The following CFAP68 variants were observed in gnomAD, a reference collection of about 807,000 sequenced individuals.
CFAP68 encodes the protein cilia- and flagella-associated protein 68.
the CFAP68 span, chr11:111,882,663 A>C: frequency 1.5e-6 from 2 of 1,357,792 alleles, no homozygotes; most frequent in Non-Finnish European, 2.0e-6. Context: ...TGTAGTGGCC[A>C]TTTGAAATGC....
At chr11:111,882,088 C>T in the CFAP68 span, among the ~76,000 whole-genome samples, 1 of 152,116 alleles carries the variant, frequency 6.6e-6, no homozygotes. Context: ...GCTAATTCTC[C>T]ATATTGTATT....
At chr11:111,883,892 C>T in the CFAP68 span, 1 of 1,522,400 alleles carries the variant, frequency 6.6e-7, no homozygotes. Context: ...TTGGGCATCA[C>T]TCAGGATGTG....
chr11:111,884,219 AT>A, the CFAP68 span: 1 of 185,974 alleles, frequency 5.4e-6, no homozygotes, highest in African/African-American at 2.4e-5. Flanking sequence ...CATGCCTGTA[AT>A]CCCAGCACTT....
At chr11:111,882,231 C>A in the CFAP68 span, 1 of 704,514 alleles carries the variant, frequency 1.4e-6, no homozygotes, top group Non-Finnish European at 2.3e-6. Context: ...GAAGAAGAAA[C>A]AGAACCATAA....
the CFAP68 span, chr11:111,883,989 G>A: frequency 1.3e-6 from 1 of 780,010 alleles, no homozygotes; most frequent in African/African-American, 1.7e-5. Context: ...AATGTAGGAG[G>A]GAGCACATTC....
the CFAP68 span, among the ~76,000 whole-genome samples, chr11:111,879,909 C>G: frequency 6.6e-6 from 1 of 152,104 alleles, no homozygotes; most frequent in African/African-American, 2.4e-5. Flanking sequence ...TTAACTGAGT[C>G]AAGAGGCGTG....
the CFAP68 span, chr11:111,883,836 T>G: frequency 6.2e-7 from 1 of 1,613,666 alleles, no homozygotes; most frequent in East Asian, 2.2e-5. Flanking sequence ...CCGATACAAA[T>G]GCACAGAAAA....
the CFAP68 span, among the ~76,000 whole-genome samples, chr11:111,879,925 G>A: frequency 6.6e-6 from 1 of 152,188 alleles, no homozygotes; most frequent in Non-Finnish European, 1.5e-5. Flanking sequence ...GCGTGAAGAG[G>A]CAGAAGGAAC....
chr11:111,880,732 A>G, the CFAP68 span: 1 of 455,676 alleles, frequency 2.2e-6, no homozygotes, highest in Non-Finnish European at 4.4e-6. Flanking sequence ...CTTTCTTAAT[A>G]AACTTCCTTA....
the CFAP68 span, chr11:111,879,649 G>C: frequency 7.5e-6 from 12 of 1,590,212 alleles, no homozygotes; most frequent in African/African-American, 6.7e-5. Context: ...AAAGAGTATT[G>C]AGTGTCTATT....
At chr11:111,883,210 G>T in the CFAP68 span, 18 of 1,559,880 alleles carry the variant, frequency 1.2e-5, no homozygotes, top group Non-Finnish European at 1.6e-5. Context: ...ATAGTACGTG[G>T]ACTGTTTTTT....
chr11:111,882,976 C>T, the CFAP68 span, among the ~76,000 whole-genome samples: 5 of 152,258 alleles, frequency 3.3e-5, no homozygotes, highest in South Asian at 2.1e-4. Flanking sequence ...AACAAACAAA[C>T]GTACAAAACA....
the CFAP68 span, chr11:111,882,497 A>C: frequency 8.7e-6 from 14 of 1,614,064 alleles, no homozygotes; most frequent in Non-Finnish European, 1.0e-5. Flanking sequence ...GCGATGCACC[A>C]CTAATGAGAA....
chr11:111,879,541 CT>C, the CFAP68 span: 1 of 1,613,974 alleles, frequency 6.2e-7, no homozygotes, highest in Non-Finnish European at 8.5e-7. Context: ...GGTTTTGAAC[CT>C]TTTTTCACCT....
the CFAP68 span, chr11:111,885,818 T>G: frequency 6.6e-6 from 1 of 152,190 alleles, no homozygotes; most frequent in African/African-American, 2.4e-5. Flanking sequence ...AGTTTCGAGA[T>G]ATAGATCCAG....
At chr11:111,883,045 C>T in the CFAP68 span, 1 of 942,342 alleles carries the variant, frequency 1.1e-6, no homozygotes, top group African/African-American at 1.6e-5. Context: ...TAAAATATGA[C>T]AGTCCGTGAG....
chr11:111,882,930 G>C, the CFAP68 span, among the ~76,000 whole-genome samples: 1 of 152,116 alleles, frequency 6.6e-6, no homozygotes, highest in Admixed American at 6.6e-5. Flanking sequence ...ATCTAGACTT[G>C]TCATTTATCT....
chr11:111,880,105 C>T, the CFAP68 span, among the ~76,000 whole-genome samples: 40,734 of 151,964 alleles, frequency 0.27, 5,657 homozygotes, highest in Admixed American at 0.34. Flanking sequence ...GGTACAGGTA[C>T]AGGTTTGTTA....
chr11:111,879,834 A>G, the CFAP68 span, among the ~76,000 whole-genome samples: 1 of 152,178 alleles, frequency 6.6e-6, no homozygotes, highest in African/African-American at 2.4e-5. Flanking sequence ...TTGGGGGCGA[A>G]GAGGGTCAGA....
Sources: gnomAD v4.1 joint callset for allele counts (sites outside exome capture counted in the v4.1 genomes callset) on GRCh38, gnomAD v4.1.1 for gene constraint, MANE v1.5 for transcripts, NCBI Gene and HGNC (gene_info 2026-07-23, HGNC 2026-07-21) for gene names.